UBE4B: variants seen among roughly 807,000 people sequenced by gnomAD.
UBE4B encodes the protein ubiquitination factor E4B, also known as ubiquitin conjugation factor E4 B.
A neutral mutation model predicts 148.1 loss-of-function variants in UBE4B; 27 were observed. The ratio of observed to expected loss-of-function variants is 0.18; its 90% CI spans 0.13 to 0.25. UBE4B has a LOEUF of 0.25. UBE4B is among the 10% of genes least tolerant of loss of function. The pLI, the probability that UBE4B is intolerant of heterozygous loss-of-function variation, is 1.00. For synonymous variants in UBE4B, 596 were observed against 619.3 expected (o/e 0.96, Z 0.56); for missense variants, 1,170 against 1,662.4 (o/e 0.70, Z 5.15).
chr1:10,121,916 T>C (rs767876004), intron 9 of UBE4B, 46 bp from the exon 10 acceptor site: 10 of 1,330,604 alleles, frequency 7.5e-6, no homozygotes, highest in African/African-American at 2.9e-5. Flanking sequence ...CGTGCCTCTG[T>C]AGTGAGTTGA....
At chr1:10,099,370 A>T (rs1369030922) in intron 3 of UBE4B, among the ~76,000 whole-genome samples, 3 of 152,220 alleles carry the variant, frequency 2.0e-5, no homozygotes, top group African/African-American at 4.8e-5. Flanking sequence ...CGTAATTTTT[A>T]AAAAGGTGCC....
In UBE4B at chr1:10,033,607, C is replaced by A; in HGVS notation, c.-64C>A. ...ATAGACACCTTCCACTCTCCTTCCT[C>A]CCGCCGTGGTCTCGAGAACAGAAGG... On this transcript the variant is annotated 5_prime_UTR_variant, in exon 1 of 28. Coordinates refer to ENST00000343090, the MANE Select transcript of UBE4B (RefSeq NM_001105562.3). 1 of 1,455,448 alleles carries A rather than the reference C, an allele frequency of 6.9e-7. No individual in the cohort carries two copies. The highest frequency in any genetic ancestry group is 2.5e-5 in the Admixed American group (1 of 39,468). 90.2% of individuals were successfully genotyped at this position (1,455,448 alleles called of 1,614,324 possible).
At chr1:10,146,859 T>C in intron 18 of UBE4B, 104 bp from the exon 19 acceptor site, 1 of 1,443,028 alleles carries the variant, frequency 6.9e-7, no homozygotes, top group Non-Finnish European at 9.4e-7. Context: ...CTAGAAGCTC[T>C]GGAACCCAAA....
At chr1:10,049,474 A>G (rs1016859292) in intron 1 of UBE4B, among the ~76,000 whole-genome samples, 2 of 152,168 alleles carry the variant, frequency 1.3e-5, no homozygotes, top group South Asian at 2.1e-4. Context: ...GCCAGACGCA[A>G]TGATGCATGC....
At chr1:10,162,901 T>C (rs1412991539) in intron 23 of UBE4B, among the ~76,000 whole-genome samples, 1 of 152,186 alleles carries the variant, frequency 6.6e-6, no homozygotes, top group Admixed American at 6.6e-5. Context: ...CTACCCATTC[T>C]CTGAGTAAGG....
chr1:10,121,325 A>G (rs745482717), intron 9 of UBE4B, among the ~76,000 whole-genome samples: 9 of 152,218 alleles, frequency 5.9e-5, no homozygotes, highest in Non-Finnish European at 1.3e-4. Flanking sequence ...ACCATACTCC[A>G]GCCTGGGCAA....
intron 1 of UBE4B, among the ~76,000 whole-genome samples, chr1:10,041,266 G>A (rs1048038926): frequency 2.0e-5 from 3 of 150,994 alleles, no homozygotes; most frequent in African/African-American, 7.3e-5. Context: ...TCTGACTCCA[G>A]AGTTTTCTAT....
At chr1:10,107,462 A>C in intron 7 of UBE4B, 1 of 1,215,598 alleles carries the variant, frequency 8.2e-7, no homozygotes, top group Non-Finnish European at 1.0e-6. Context: ...CGTGCTTTGA[A>C]TCCAGGCAGG....
chr1:10,049,308 C>T lies in UBE4B; in HGVS notation c.24+15614C>T, dbSNP rs940595832. ...CAGGCTGCAGCTGGGGACACAGGAA[C>T]GCAACCAGCTAGACTTCAAGTGCTA... On this transcript the variant is annotated intron_variant, in intron 1 of 27. Transcript: ENST00000343090. 5.9e-5 allele frequency among the ~76,000 whole-genome samples: 9 copies of T among 152,210 alleles called. No homozygotes were observed. In the South Asian group the frequency reaches 6.2e-4, roughly 11 times the overall value.
In UBE4B at chr1:10,160,876, G is replaced by A. The variant is rs111329090; in HGVS notation, c.3054-266G>A. ...GAAGATTGCTTGAGCCCTGGAGGTC[G>A]AGGATGCAGTGAGCTGTGATTGTGC... On this transcript the variant is annotated intron_variant, in intron 22 of 27. Transcript: ENST00000343090. Among the ~76,000 whole-genome samples the A allele has an allele frequency of 4.9e-3, 746 of 152,226 alleles. 9 individuals carry two copies. The highest frequency in any genetic ancestry group is 0.017 in the African/African-American group (696 of 41,544).
At chr1:10,144,192 A>G (rs760080532) in intron 17 of UBE4B, among the ~76,000 whole-genome samples, 4 of 152,216 alleles carry the variant, frequency 2.6e-5, no homozygotes, top group Non-Finnish European at 5.9e-5. Flanking sequence ...AAAGCCAGAG[A>G]TAACCTCAGA....
intron 17 of UBE4B, among the ~76,000 whole-genome samples, chr1:10,144,674 G>T (rs1386959863): frequency 1.3e-5 from 2 of 151,022 alleles, no homozygotes; most frequent in African/African-American, 4.9e-5. Context: ...GGCGGAGGTT[G>T]CAGTGAGCTG....
chr1:10,167,178 G>A (rs1183712977), intron 23 of UBE4B, among the ~76,000 whole-genome samples: 1 of 151,568 alleles, frequency 6.6e-6, no homozygotes, highest in Non-Finnish European at 1.5e-5. Context: ...GGTGGCTTAC[G>A]CCTGTAATCC....
intron 2 of UBE4B, chr1:10,072,711 C>A: frequency 2.1e-6 from 1 of 476,852 alleles, no homozygotes; most frequent in East Asian, 3.4e-5. Flanking sequence ...AAGTTTATTT[C>A]TTTATAATAA....
chr1:10,139,747 CTCTTGTTGCCCAG>C (rs1292168814), intron 17 of UBE4B, among the ~76,000 whole-genome samples: 1 of 152,088 alleles, frequency 6.6e-6, no homozygotes, highest in Non-Finnish European at 1.5e-5. Flanking sequence ...AGGAGGTTCA[CTCTTGTTGCCCAG>C]GCTTGTTGCC....
At chr1:10,099,113 G>A (rs1403755078) in intron 3 of UBE4B, among the ~76,000 whole-genome samples, 1 of 152,032 alleles carries the variant, frequency 6.6e-6, no homozygotes, top group African/African-American at 2.4e-5. Context: ...ATGGTGGTGC[G>A]TGCCTGTAAT....
chr1:10,066,969 A>T (rs1644397787), intron 1 of UBE4B, among the ~76,000 whole-genome samples: 1 of 152,190 alleles, frequency 6.6e-6, no homozygotes, highest in African/African-American at 2.4e-5. Flanking sequence ...CCCCAAAGAG[A>T]AAGTATTTCC....
intron 1 of UBE4B, among the ~76,000 whole-genome samples, 156 bp downstream of exon 1, chr1:10,033,850 T>TG (rs1406774441): frequency 2.0e-5 from 3 of 152,246 alleles, no homozygotes; most frequent in Admixed American, 6.5e-5. Context: ...ATAGGGTCTC[T>TG]GGTTTTGTTC....
chr1:10,124,147 C>A (rs1001597191), intron 10 of UBE4B, among the ~76,000 whole-genome samples: 2 of 151,890 alleles, frequency 1.3e-5, no homozygotes, highest in Non-Finnish European at 2.9e-5. Flanking sequence ...CCACCACAGA[C>A]CTGTTTATTC....
Sources: allele counts gnomAD v4.1 joint callset (sites outside exome capture counted in the v4.1 genomes callset), GRCh38; gene constraint gnomAD v4.1.1; transcripts MANE v1.5; gene names NCBI Gene and HGNC (gene_info 2026-07-23, HGNC 2026-07-21).